OPCML: variants seen among roughly 807,000 people sequenced by gnomAD.
OPCML encodes opioid binding protein/cell adhesion molecule like, also known as opioid-binding protein/cell adhesion molecule.
In OPCML, 13 loss-of-function variants were observed where a neutral mutation model predicts 37.8. The ratio of observed to expected loss-of-function variants is 0.34; its 90% confidence interval spans 0.22 to 0.55. The LOEUF (loss-of-function observed/expected upper bound fraction) is 0.55. Among genes scored for constraint, OPCML ranks in the 20% least tolerant of loss-of-function variants. OPCML has a pLI of 0.91. For synonymous variants in OPCML, 176 were observed against 168.8 expected (o/e 1.04, Z -0.33); for missense variants, 341 against 435.6 (o/e 0.78, Z 1.93).
intron 2 of OPCML, among the ~76,000 whole-genome samples, chr11:132,855,073 T>C (rs1030390085): frequency 2.6e-5 from 4 of 152,228 alleles, no homozygotes; most frequent in African/African-American, 9.6e-5. Flanking sequence ...GGGGCCTGAA[T>C]TCTGCTAAAA....
chr11:133,434,795 T>C (rs1411171833), intron 1 of OPCML, among the ~76,000 whole-genome samples: 1 of 116,272 alleles, frequency 8.6e-6, no homozygotes, highest in African/African-American at 4.2e-5. Flanking sequence ...AAATTATATA[T>C]ATGTATATAT....
chr11:133,046,424 C>T (rs1180597396), intron 1 of OPCML, among the ~76,000 whole-genome samples: 2 of 152,206 alleles, frequency 1.3e-5, no homozygotes, highest in Non-Finnish European at 2.9e-5. Flanking sequence ...ACACACAGAC[C>T]TCTGCCCTCT....
At chr11:132,520,889 A>G (rs1022207759) in intron 4 of OPCML, among the ~76,000 whole-genome samples, 7 of 152,140 alleles carry the variant, frequency 4.6e-5, no homozygotes, top group Non-Finnish European at 7.3e-5. Flanking sequence ...TTAGGTATAT[A>G]CCAAATACCA....
intron 1 of OPCML, among the ~76,000 whole-genome samples, chr11:133,054,546 T>A (rs1948187286): frequency 6.6e-6 from 1 of 152,178 alleles, no homozygotes; most frequent in Non-Finnish European, 1.5e-5. Flanking sequence ...ATTAACTTCA[T>A]CTATTTGTTG....
chr11:132,800,339 T>C (rs920933890), intron 2 of OPCML, among the ~76,000 whole-genome samples: 1 of 152,220 alleles, frequency 6.6e-6, no homozygotes, highest in East Asian at 1.9e-4. Flanking sequence ...ATATACAATG[T>C]CATGTTATTT....
chr11:132,937,595 GGTGT>G (rs58674976), intron 2 of OPCML, among the ~76,000 whole-genome samples: 13,759 of 88,244 alleles, frequency 0.16, 769 homozygotes, highest in East Asian at 0.35. Flanking sequence ...GCGTGTGTGG[GGTGT>G]GTGTGTGTGT....
chr11:133,527,517 G>C (rs1249012603), intron 1 of OPCML, among the ~76,000 whole-genome samples: 1 of 152,106 alleles, frequency 6.6e-6, no homozygotes, highest in African/African-American at 2.4e-5. Context: ...CTGTGACAAA[G>C]ACATACATAT....
At chr11:132,734,684 T>A (rs111455322) in intron 2 of OPCML, among the ~76,000 whole-genome samples, 1,981 of 152,334 alleles carry the variant, frequency 0.013, 41 homozygotes, top group African/African-American at 0.046. Flanking sequence ...CACTATGGAT[T>A]GGGAGTAATT....
intron 1 of OPCML, among the ~76,000 whole-genome samples, chr11:133,242,843 T>C (rs920582726): frequency 2.0e-5 from 3 of 152,210 alleles, no homozygotes; most frequent in Non-Finnish European, 4.4e-5. Flanking sequence ...GCTGTTAATT[T>C]TGGAAAGGGA....
chr11:133,520,194 A>T (rs184214176), intron 1 of OPCML, among the ~76,000 whole-genome samples: 2 of 152,166 alleles, frequency 1.3e-5, no homozygotes, highest in Admixed American at 6.5e-5. Context: ...TGCCCAGAAG[A>T]CAGCCTGGTA....
intron 1 of OPCML, among the ~76,000 whole-genome samples, chr11:133,199,200 G>A (rs746689592): frequency 6.6e-6 from 1 of 152,160 alleles, no homozygotes; most frequent in African/African-American, 2.4e-5. Context: ...TATGCAGGAG[G>A]TGGGGAGAGG....
At chr11:133,447,561 C>A (rs567078273) in intron 1 of OPCML, among the ~76,000 whole-genome samples, 1 of 152,258 alleles carries the variant, frequency 6.6e-6, no homozygotes, top group African/African-American at 2.4e-5. Flanking sequence ...CTATTGTTGC[C>A]ATTTTTATGT....
At chr11:132,781,601 T>TACACACACAC (rs139359164) in intron 2 of OPCML, among the ~76,000 whole-genome samples, 1 of 146,336 alleles carries the variant, frequency 6.8e-6, no homozygotes, top group African/African-American at 2.5e-5. Context: ...CACATATACA[T>TACACACACAC]ACACACACAC....
At chr11:133,154,289 C>T (rs1407744348) in intron 1 of OPCML, among the ~76,000 whole-genome samples, 2 of 151,782 alleles carry the variant, frequency 1.3e-5, no homozygotes, top group African/African-American at 4.8e-5. Context: ...CGCAAAAAGC[C>T]ACAAAATGAG....
At chr11:132,925,074 T>C (rs1330906671) in intron 2 of OPCML, among the ~76,000 whole-genome samples, 1 of 152,250 alleles carries the variant, frequency 6.6e-6, no homozygotes, top group Non-Finnish European at 1.5e-5. Context: ...AATGAGCCCA[T>C]TCTTCATTTC....
chr11:132,918,691 T>A (rs2136571846), intron 2 of OPCML, among the ~76,000 whole-genome samples: 1 of 152,288 alleles, frequency 6.6e-6, no homozygotes, highest in African/African-American at 2.4e-5. Flanking sequence ...GATTCCCCAA[T>A]CACCACCAAT....
chr11:132,558,215 TCTCTTTTTCTTCTTC>T lies in OPCML; in HGVS notation c.380-29044_380-29030del, dbSNP rs1406925547. On this transcript the variant is annotated intron_variant, in intron 3 of 7. Coordinates refer to ENST00000524381, the MANE Select transcript of OPCML (RefSeq NM_001012393.5). Reference sequence around the variant, plus strand: ...ATTTCTTCTTCTTCCTCTTTTCCTTTCTCTTTTTCTTCTTCCTCTTTTTCTTCTTCTTCTTCTTCC... The same window carrying T: ...ATTTCTTCTTCTTCCTCTTTTCCTTTCTCTTTTTCTTCTTCTTCTTCTTCC... Among the ~76,000 whole-genome samples the T allele has an allele frequency of 3.3e-5, 5 of 151,926 alleles. No individual in the cohort carries two copies. The East Asian group carries it at 9.7e-4, about 30-fold the overall frequency.
intron 2 of OPCML, among the ~76,000 whole-genome samples, chr11:132,833,574 T>C (rs1027361781): frequency 2.6e-5 from 4 of 152,260 alleles, no homozygotes; most frequent in African/African-American, 9.6e-5. Context: ...AAACCAGTAA[T>C]AGTCATTTAT....
chr11:133,143,192 T>G (rs12419748), intron 1 of OPCML, among the ~76,000 whole-genome samples: 27,220 of 152,160 alleles, frequency 0.18, 2,661 homozygotes, highest in African/African-American at 0.23. Flanking sequence ...ATATGAGCAA[T>G]AGCCTACAGC....
Sources: allele counts gnomAD v4.1 joint callset (sites outside exome capture counted in the v4.1 genomes callset), GRCh38; gene constraint gnomAD v4.1.1; transcripts MANE v1.5; gene names NCBI Gene and HGNC (gene_info 2026-07-23, HGNC 2026-07-21).